TSHZ2: variants seen among roughly 807,000 people sequenced by gnomAD.
TSHZ2 encodes the protein teashirt homolog 2.
A neutral mutation model predicts 74.4 loss-of-function variants in TSHZ2; 21 were observed. That is an observed-to-expected ratio of 0.28 (90% confidence interval 0.20 to 0.41). TSHZ2 has a LOEUF of 0.41. Among genes scored for constraint, TSHZ2 ranks in the 10% least tolerant of loss-of-function variants. The pLI, the probability that TSHZ2 is intolerant of heterozygous loss-of-function variation, is 1.00. For missense variants in TSHZ2, 1,244 were observed against 1,293.5 expected (o/e 0.96, Z 0.59); for synonymous variants, 540 against 515.3 (o/e 1.05, Z -0.65).
Position 53,256,542 on chromosome 20 carries a change from A to G in TSHZ2, c.3084A>G (p.Val1028=), listed in dbSNP as rs1479390924. ...SKSPEHHSQF[V]TDVDEE is the part of the protein sequence containing the mutation. ...CACCCGAACACCATTCACAGTTTGTAACAGACGTGGATGAAGAATAGCTCT... is the reference window on the plus strand; with the variant it reads ...CACCCGAACACCATTCACAGTTTGTGACAGACGTGGATGAAGAATAGCTCT... Residue 1028 remains valine, a synonymous_variant, in exon 2 of 3, where the codon GTA becomes GTG. Coordinates refer to ENST00000371497, the MANE Select transcript of TSHZ2 (RefSeq NM_173485.6). This position sits in a 1 kb window ranked among gnomAD's most constrained non-coding sequence, Gnocchi z 4.3. 6.3e-7 allele frequency: 1 copy of G among 1,595,134 alleles called. No individual in the cohort carries two copies. Among genetic ancestry groups the G allele is most frequent in the African/African-American group, 1.3e-5 (1 of 74,700 alleles).
At chr20:53,186,244 C>A (rs1044379517) in intron 1 of TSHZ2, among the ~76,000 whole-genome samples, 2 of 151,798 alleles carry the variant, frequency 1.3e-5, no homozygotes, top group African/African-American at 2.4e-5. Context: ...AATAATTATA[C>A]CATTACAATC....
chr20:53,032,650 A>T (rs1359467475), intron 1 of TSHZ2, among the ~76,000 whole-genome samples: 1 of 152,134 alleles, frequency 6.6e-6, no homozygotes. Flanking sequence ...CCGGGGAAAA[A>T]TCATTTCTCA....
chr20:53,176,719 G>A (rs6097277), intron 1 of TSHZ2, among the ~76,000 whole-genome samples: 18,922 of 144,682 alleles, frequency 0.13, 1,313 homozygotes, highest in East Asian at 0.22. Flanking sequence ...ACGAAGTCTC[G>A]CTCTGTCACC....
At chr20:53,218,268 C>A (rs146891488) in intron 1 of TSHZ2, among the ~76,000 whole-genome samples, 3 of 152,204 alleles carry the variant, frequency 2.0e-5, no homozygotes, top group Admixed American at 2.0e-4. Context: ...CTGCACCAAC[C>A]ACATGGTCTC....
intron 2 of TSHZ2, among the ~76,000 whole-genome samples, chr20:53,323,128 T>C (rs575937693): frequency 6.6e-6 from 1 of 152,324 alleles, no homozygotes; most frequent in Non-Finnish European, 1.5e-5. Flanking sequence ...CATGTTGGCC[T>C]GGGAGAAGAT....
chr20:53,441,992 T>A (rs1984351804), intron 2 of TSHZ2, among the ~76,000 whole-genome samples: 1 of 152,164 alleles, frequency 6.6e-6, no homozygotes, highest in African/African-American at 2.4e-5. Flanking sequence ...AAGAAAAGGA[T>A]CAGCAGGTGC....
At chr20:53,053,833 T>G (rs6091627) in intron 1 of TSHZ2, among the ~76,000 whole-genome samples, 111,301 of 152,114 alleles carry the variant, frequency 0.73, 41,370 homozygotes, top group East Asian at 0.96. Context: ...GTGGCAAGTT[T>G]ATCACTCCAG....
At chr20:53,222,552 A>C (rs2123645539) in intron 1 of TSHZ2, among the ~76,000 whole-genome samples, 1 of 152,278 alleles carries the variant, frequency 6.6e-6, no homozygotes, top group African/African-American at 2.4e-5. Flanking sequence ...CATGTGCAAA[A>C]ATGCGTTCAG....
intron 1 of TSHZ2, among the ~76,000 whole-genome samples, chr20:53,037,207 A>AG (rs1262929674): frequency 6.6e-6 from 1 of 152,194 alleles, no homozygotes; most frequent in African/African-American, 2.4e-5. Context: ...CAGGTCACTC[A>AG]GGCACGGGTC....
At chr20:53,308,831 C>G (rs1206870210) in intron 2 of TSHZ2, among the ~76,000 whole-genome samples, 3 of 152,148 alleles carry the variant, frequency 2.0e-5, no homozygotes, top group Non-Finnish European at 4.4e-5. Flanking sequence ...AAGGCGAGAG[C>G]ATTGTCGGGC....
At chr20:53,205,399 T>C (rs2123592644) in intron 1 of TSHZ2, among the ~76,000 whole-genome samples, 1 of 152,304 alleles carries the variant, frequency 6.6e-6, no homozygotes, top group South Asian at 2.1e-4. Flanking sequence ...CAGGTGTACT[T>C]TACTCTGTGC....
intron 2 of TSHZ2, among the ~76,000 whole-genome samples, chr20:53,471,538 C>T (rs2145837732): frequency 6.6e-6 from 1 of 152,246 alleles, no homozygotes; most frequent in African/African-American, 2.4e-5. Context: ...GTAGTCAAGT[C>T]CTATGGGTAA....
intron 2 of TSHZ2, among the ~76,000 whole-genome samples, chr20:53,318,123 T>C (rs998793152): frequency 7.9e-5 from 12 of 151,958 alleles, no homozygotes; most frequent in Admixed American, 4.6e-4. Context: ...ATCAGAAAAA[T>C]AAACAACTAA....
intron 1 of TSHZ2, among the ~76,000 whole-genome samples, chr20:53,160,513 A>T (rs1987904623): frequency 6.6e-6 from 1 of 152,134 alleles, no homozygotes; most frequent in African/African-American, 2.4e-5. Flanking sequence ...TCATGCCTGT[A>T]ATTCCAGCAC....
At chr20:53,352,778 A>C (rs1158070292) in intron 2 of TSHZ2, among the ~76,000 whole-genome samples, 1 of 94,872 alleles carries the variant, frequency 1.1e-5, no homozygotes, top group Non-Finnish European at 2.1e-5. Flanking sequence ...TGTCTCAAAC[A>C]AAAAAAAAAA....
At chr20:53,463,259 T>G (rs1985435695) in intron 2 of TSHZ2, among the ~76,000 whole-genome samples, 1 of 152,082 alleles carries the variant, frequency 6.6e-6, no homozygotes, top group Non-Finnish European at 1.5e-5. Flanking sequence ...GTGCAGTGGC[T>G]GATGCCTGCA....
intron 2 of TSHZ2, among the ~76,000 whole-genome samples, chr20:53,391,737 G>A (rs1276512812): frequency 2.0e-5 from 3 of 152,226 alleles, no homozygotes; most frequent in East Asian, 3.9e-4. Flanking sequence ...GAGATCAGGA[G>A]TTTGAGAACA....
chr20:53,476,473 A>G (rs1039275424), intron 2 of TSHZ2, among the ~76,000 whole-genome samples: 1 of 152,112 alleles, frequency 6.6e-6, no homozygotes, highest in Non-Finnish European at 1.5e-5. Flanking sequence ...TTCGTGCTAA[A>G]AACTCTCAAT....
intron 2 of TSHZ2, among the ~76,000 whole-genome samples, chr20:53,347,651 T>C (rs904266485): frequency 6.6e-6 from 1 of 151,058 alleles, no homozygotes; most frequent in African/African-American, 2.5e-5. Flanking sequence ...TTTTTCCAAC[T>C]TTTACTTTAA....
Sources: gnomAD v4.1 joint callset for allele counts (sites outside exome capture counted in the v4.1 genomes callset) on GRCh38, gnomAD v4.1.1 for gene constraint, Gnocchi (gnomAD v3.1) non-coding constraint, MANE v1.5 for transcripts, NCBI Gene and HGNC (gene_info 2026-07-23, HGNC 2026-07-21) for gene names.